COL24A1: variants seen among roughly 807,000 people sequenced by gnomAD.
The protein encoded by COL24A1 is collagen alpha-1(XXIV) chain.
COL24A1 carries 224 observed loss-of-function variants against 253.9 expected under a neutral mutation model. The observed-to-expected ratio is 0.88, with a 90% CI of 0.79 to 0.99. The LOEUF (loss-of-function observed/expected upper bound fraction) is 0.99. Among genes scored for constraint, COL24A1 ranks in the 50% least tolerant of loss-of-function variants. The pLI is 0.00. For missense variants in COL24A1, 2,131 were observed against 2,068.5 expected, an observed-to-expected ratio of 1.03 and a Z score of -0.59; for synonymous variants, 685 against 673.7, an observed-to-expected ratio of 1.02 and a Z score of -0.26.
At position 85,868,770 on chromosome 1, in the gene COL24A1, A is replaced by T; in HGVS notation, c.3192+12T>A. 6.6e-7 allele frequency: 1 copy of T among 1,512,340 alleles called. No individual in the cohort carries two copies. The highest frequency in any genetic ancestry group is 1.2e-5 in the South Asian group (1 of 80,558). 93.7% of individuals were successfully genotyped at this position (1,512,340 alleles called of 1,614,324 possible). A position where few individuals can be genotyped will look rare whatever the true frequency, so the allele number is the denominator to read the frequency against. The stretch of plus-strand genomic sequence containing the variant: ...CATCTATTTTATATATAATCTTAAA[A>T]GTATAATTTACCTTTAACCCATCTT... On this transcript the variant is annotated intron_variant, in intron 36 of 59. Coordinates refer to ENST00000370571, the MANE Select transcript of COL24A1 (RefSeq NM_152890.7).
intron 19 of COL24A1, among the ~76,000 whole-genome samples, chr1:86,000,009 C>T (rs1363352602): frequency 6.6e-6 from 1 of 152,208 alleles, no homozygotes; most frequent in Non-Finnish European, 1.5e-5. Context: ...CACAAAAAAA[C>T]TGTATCAGCT....
Position 86,023,026 on chromosome 1 carries a change from G to T in COL24A1, c.2050-19C>A. 6.2e-7 allele frequency: 1 copy of T among 1,608,810 alleles called. No individual in the cohort carries two copies. Among genetic ancestry groups the T allele is most frequent in the South Asian group, 1.1e-5 (1 of 90,388 alleles). On this transcript the variant is annotated intron_variant, in intron 14 of 59. Coordinates refer to ENST00000370571, the MANE Select transcript of COL24A1 (RefSeq NM_152890.7). The stretch of plus-strand genomic sequence containing the variant: ...CACTGCCCTGGAAAACAGTAAGAAA[G>T]AAATGCATCATTAAGCATTCATTAG...
intron 5 of COL24A1, among the ~76,000 whole-genome samples, chr1:86,099,200 C>T (rs56237094): frequency 0.042 from 6,408 of 151,952 alleles, 183 homozygotes; most frequent in Non-Finnish European, 0.062. Flanking sequence ...TATATATTTC[C>T]GAGTGATAAT....
At chr1:86,050,327 T>C (rs1313948020) in intron 10 of COL24A1, 150 bp from the exon 11 acceptor site, 2 of 462,542 alleles carry the variant, frequency 4.3e-6, no homozygotes, top group Non-Finnish European at 7.6e-6. Context: ...TAATTGCTTT[T>C]CTTCCAGAAG....
intron 19 of COL24A1, among the ~76,000 whole-genome samples, chr1:86,016,618 TA>T (rs1248744876): frequency 6.6e-6 from 1 of 152,214 alleles, no homozygotes; most frequent in Non-Finnish European, 1.5e-5. Flanking sequence ...TAGGATTTTT[TA>T]AAATCCAAAT....
chr1:85,908,527 G>A, intron 27 of COL24A1, 71 bp downstream of exon 27: 1 of 859,344 alleles, frequency 1.2e-6, no homozygotes. Flanking sequence ...CAACAATAAA[G>A]CATAACAATT....
intron 19 of COL24A1, among the ~76,000 whole-genome samples, chr1:86,015,625 T>C (rs1479758695): frequency 6.6e-6 from 1 of 152,102 alleles, no homozygotes; most frequent in Non-Finnish European, 1.5e-5. Flanking sequence ...CCTTTAAAGA[T>C]AATGAAAATT....
At chr1:85,830,352 T>G (rs1161589779) in intron 43 of COL24A1, among the ~76,000 whole-genome samples, 1 of 152,164 alleles carries the variant, frequency 6.6e-6, no homozygotes, top group Non-Finnish European at 1.5e-5. Flanking sequence ...CATTTAAGTC[T>G]GCAGGGTTAC....
Position 86,050,186 on chromosome 1 carries a change from A to C in COL24A1, c.1852-9T>G. 6.2e-7 allele frequency: 1 copy of C among 1,612,068 alleles called. No individual in the cohort carries two copies. Among genetic ancestry groups the C allele is most frequent in the Non-Finnish European group, 8.5e-7 (1 of 1,178,260 alleles). ...GGAGAGCCAATAAAACCCTTAAAACAAGAAAATAGTCTGTATATTAGTTCA... is the reference window on the plus strand; with the variant it reads ...GGAGAGCCAATAAAACCCTTAAAACCAGAAAATAGTCTGTATATTAGTTCA... On this transcript the variant is annotated splice_polypyrimidine_tract_variant and intron_variant, in intron 10 of 59. Transcript: ENST00000370571.
chr1:85,892,974 T>C (rs1226890785), intron 31 of COL24A1, among the ~76,000 whole-genome samples: 1 of 152,072 alleles, frequency 6.6e-6, no homozygotes, highest in African/African-American at 2.4e-5. Flanking sequence ...AAACAGATCA[T>C]TAAATGGGAG....
chr1:86,134,115 A>T (rs1649803424), intron 2 of COL24A1, among the ~76,000 whole-genome samples: 1 of 152,220 alleles, frequency 6.6e-6, no homozygotes, highest in South Asian at 2.1e-4. Context: ...CATTTCTTCT[A>T]GATTTTCTAG....
intron 24 of COL24A1, among the ~76,000 whole-genome samples, chr1:85,948,250 C>A (rs1013565237): frequency 5.9e-5 from 9 of 152,066 alleles, no homozygotes; most frequent in Admixed American, 2.0e-4. Context: ...TTAGGCCGGG[C>A]GCGGTGGCTC....
At chr1:86,128,839 G>A (rs913699759) in intron 2 of COL24A1, among the ~76,000 whole-genome samples, 3 of 151,612 alleles carry the variant, frequency 2.0e-5, no homozygotes, top group Admixed American at 2.0e-4. Flanking sequence ...TTAGTTTTAC[G>A]TTATTCTTTT....
chr1:86,076,215 T>C lies in COL24A1; in HGVS notation c.1708-12456A>G, dbSNP rs150333018. Among the ~76,000 whole-genome samples, 27 of 152,300 alleles carry C rather than the reference T, an allele frequency of 1.8e-4. No homozygotes were observed. The East Asian group carries it at 5.2e-3, about 29-fold the overall frequency. On this transcript the variant is annotated intron_variant, in intron 7 of 59. Coordinates refer to ENST00000370571, the MANE Select transcript of COL24A1 (RefSeq NM_152890.7). ...GCAAAGTCTCAGGATACAAAATCAC[T>C]GTGCAAAAATCACAAACTTTCCTAT...
Position 86,115,607 on chromosome 1 carries a change from T to C in COL24A1, c.1492-229A>G, listed in dbSNP as rs899543580. Among the ~76,000 whole-genome samples, 5 of 152,238 alleles carry C rather than the reference T, an allele frequency of 3.3e-5. 1 individual carries two copies. The highest frequency in any genetic ancestry group is 4.8e-5 in the African/African-American group (2 of 41,466). The stretch of plus-strand genomic sequence containing the variant: ...ATGGCAGCAGGAAGTCTATGACTTA[T>C]GGTTACAGCCACCGTATCTGGTTTT... On this transcript the variant is annotated intron_variant, in intron 3 of 59. Coordinates refer to ENST00000370571, the MANE Select transcript of COL24A1 (RefSeq NM_152890.7).
chr1:86,005,468 C>A (rs1695860525), intron 19 of COL24A1, among the ~76,000 whole-genome samples: 1 of 151,464 alleles, frequency 6.6e-6, no homozygotes, highest in African/African-American at 2.4e-5. Context: ...TTAAAAATTG[C>A]CTATTTAAAT....
At chr1:85,870,001 A>G (rs1057365515) in intron 35 of COL24A1, among the ~76,000 whole-genome samples, 1 of 152,200 alleles carries the variant, frequency 6.6e-6, no homozygotes, top group African/African-American at 2.4e-5. Flanking sequence ...GGATGGAGGA[A>G]GATCTACCAA....
chr1:86,023,302 C>A (rs1246502450), intron 14 of COL24A1, among the ~76,000 whole-genome samples: 1 of 152,084 alleles, frequency 6.6e-6, no homozygotes, highest in Non-Finnish European at 1.5e-5. Flanking sequence ...TGCAATATTT[C>A]TCCAACTAGA....
At chr1:85,917,603 A>C (rs1176801869) in intron 24 of COL24A1, among the ~76,000 whole-genome samples, 1 of 150,742 alleles carries the variant, frequency 6.6e-6, no homozygotes, top group East Asian at 1.9e-4. Context: ...TGCTCAATTT[A>C]TTTTTTCCCA....
Sources: allele counts gnomAD v4.1 joint callset (sites outside exome capture counted in the v4.1 genomes callset), GRCh38; gene constraint gnomAD v4.1.1; transcripts MANE v1.5; gene names NCBI Gene and HGNC (gene_info 2026-07-23, HGNC 2026-07-21).